The following CTNND2 variants were observed in gnomAD, a reference collection of about 807,000 sequenced individuals.
CTNND2 encodes catenin delta 2.
CTNND2 carries 22 observed loss-of-function variants against 144.4 expected under a neutral mutation model. That is an observed-to-expected ratio of 0.15 (90% confidence interval 0.11 to 0.22). The LOEUF is 0.22. CTNND2 is among the 10% of genes least tolerant of loss of function. The pLI is 1.00. For synonymous variants in CTNND2, 751 were observed against 695.6 expected, an observed-to-expected ratio of 1.08 and a Z score of -1.25; for missense variants, 1,353 against 1,618.8, an observed-to-expected ratio of 0.84 and a Z score of 2.82.
intron 1 of CTNND2, among the ~76,000 whole-genome samples, chr5:11,823,284 T>C (rs1443528068): frequency 6.6e-6 from 1 of 152,360 alleles, no homozygotes; most frequent in African/African-American, 2.4e-5. Context: ...CCACTAATGA[T>C]GCATGCAATT....
intron 9 of CTNND2, among the ~76,000 whole-genome samples, chr5:11,240,249 T>TCACACACCCAACACA (rs1348073606): frequency 1.7e-4 from 5 of 29,660 alleles, no homozygotes; most frequent in African/African-American, 2.7e-4. Context: ...ACACACACAC[T>TCACACACCCAACACA]CACACACCCA....
intron 1 of CTNND2, among the ~76,000 whole-genome samples, chr5:11,788,248 T>C (rs1276807183): frequency 6.6e-6 from 1 of 152,328 alleles, no homozygotes; most frequent in Non-Finnish European, 1.5e-5. Flanking sequence ...ATTAAGGTTA[T>C]TCCCACACAT....
chr5:11,637,253 G>C (rs1781756543), intron 2 of CTNND2, among the ~76,000 whole-genome samples: 1 of 152,100 alleles, frequency 6.6e-6, no homozygotes, highest in Non-Finnish European at 1.5e-5. Context: ...AATAAACTGA[G>C]TTCTTGCCAA....
intron 12 of CTNND2, among the ~76,000 whole-genome samples, chr5:11,150,775 C>T (rs918165434): frequency 1.8e-4 from 28 of 151,790 alleles, no homozygotes; most frequent in African/African-American, 5.6e-4. Context: ...TACAGGTGCC[C>T]GCCAGCTCAC....
At chr5:11,360,083 G>A (rs1756293652) in intron 8 of CTNND2, among the ~76,000 whole-genome samples, 1 of 152,164 alleles carries the variant, frequency 6.6e-6, no homozygotes, top group South Asian at 2.1e-4. Flanking sequence ...CAAAAAGGTA[G>A]ACAGTAGTGC....
chr5:10,988,065 G>T lies in CTNND2; in HGVS notation c.3343+46C>A. The T allele has an allele frequency of 6.2e-7, 1 of 1,611,840 alleles. No individual in the cohort carries two copies. The highest frequency in any genetic ancestry group is 1.3e-5 in the African/African-American group (1 of 75,020). On this transcript the variant is annotated intron_variant, in intron 20 of 21. Coordinates refer to ENST00000304623, the MANE Select transcript of CTNND2 (RefSeq NM_001332.4). This position sits in a 1 kb window ranked among gnomAD's most constrained non-coding sequence, Gnocchi z 5.9. ...TGTCCCATATCTCTGCCTTGTCGCG[G>T]GTCAAGCCACCAAGTTCCAGGAGGG...
intron 1 of CTNND2, among the ~76,000 whole-genome samples, chr5:11,778,080 A>T (rs3924544): frequency 0.69 from 104,275 of 151,814 alleles, 39,709 homozygotes; most frequent in Middle Eastern, 0.88. Flanking sequence ...TTTGACTGAG[A>T]CTGGAAATCT....
At chr5:11,325,286 C>A (rs564271594) in intron 9 of CTNND2, among the ~76,000 whole-genome samples, 22 of 151,968 alleles carry the variant, frequency 1.4e-4, no homozygotes, top group African/African-American at 5.1e-4. Context: ...AACCAACACA[C>A]ATATATATAT....
chr5:11,736,359 G>A (rs114046442), intron 1 of CTNND2, among the ~76,000 whole-genome samples: 210 of 152,326 alleles, frequency 1.4e-3, no homozygotes, highest in African/African-American at 4.9e-3. Flanking sequence ...ATAACAGAAA[G>A]AGAAGTGGAA....
intron 1 of CTNND2, among the ~76,000 whole-genome samples, chr5:11,842,751 A>G (rs1217133191): frequency 6.6e-6 from 1 of 151,250 alleles, no homozygotes; most frequent in Non-Finnish European, 1.5e-5. Flanking sequence ...TGTCTCTTTT[A>G]TAATTTTTAT....
Position 10,988,062 on chromosome 5 carries a change from G to C in CTNND2, c.3343+49C>G. Reference sequence around the variant, plus strand: ...TGATGTCCCATATCTCTGCCTTGTCGCGGGTCAAGCCACCAAGTTCCAGGA... The same window carrying C: ...TGATGTCCCATATCTCTGCCTTGTCCCGGGTCAAGCCACCAAGTTCCAGGA... On this transcript the variant is annotated intron_variant, in intron 20 of 21. Transcript: ENST00000304623. The surrounding 1 kb of genome is among the most constrained non-coding windows in gnomAD (Gnocchi z 5.9). 1.2e-6 allele frequency: 2 copies of C among 1,611,044 alleles called. No homozygotes were observed. Among genetic ancestry groups the C allele is most frequent in the Non-Finnish European group, 1.7e-6 (2 of 1,178,352 alleles).
intron 2 of CTNND2, among the ~76,000 whole-genome samples, chr5:11,676,575 C>A (rs1397476918): frequency 2.7e-5 from 4 of 150,048 alleles, no homozygotes; most frequent in Non-Finnish European, 5.9e-5. Flanking sequence ...TCCTTGAATG[C>A]TGACAAACGG....
intron 3 of CTNND2, among the ~76,000 whole-genome samples, chr5:11,480,646 ATGTGTGTGTG>A (rs58951106): frequency 6.7e-6 from 1 of 149,056 alleles, no homozygotes; most frequent in East Asian, 2.0e-4. Context: ...AAATACATAT[ATGTGTGTGTG>A]TGTGTGTGTG....
At chr5:11,609,079 A>G (rs542708954) in intron 2 of CTNND2, among the ~76,000 whole-genome samples, 5 of 152,312 alleles carry the variant, frequency 3.3e-5, no homozygotes, top group Admixed American at 6.5e-5. Context: ...GTCGCTCATC[A>G]GAGACACCTT....
In CTNND2 at chr5:11,795,980, G is replaced by A. The variant is rs554529593; in HGVS notation, c.38-63708C>T. Reference sequence around the variant, plus strand: ...AGAATCTGTTTCCTTGTCTTTTCCAGCTTCTAGAGGCCACCTGTATTCCTT... The same window carrying A: ...AGAATCTGTTTCCTTGTCTTTTCCAACTTCTAGAGGCCACCTGTATTCCTT... On this transcript the variant is annotated intron_variant, in intron 1 of 21. Coordinates refer to ENST00000304623, the MANE Select transcript of CTNND2 (RefSeq NM_001332.4). Among the ~76,000 whole-genome samples, 7 of 152,288 alleles carry A rather than the reference G, an allele frequency of 4.6e-5. No homozygotes were observed. The East Asian group carries it at 7.7e-4, about 17-fold the overall frequency.
At chr5:11,146,395 A>G (rs981616405) in intron 12 of CTNND2, among the ~76,000 whole-genome samples, 3 of 152,290 alleles carry the variant, frequency 2.0e-5, no homozygotes, top group African/African-American at 7.2e-5. Flanking sequence ...TGGGAAAAGC[A>G]TTCCGTCCAG....
intron 12 of CTNND2, among the ~76,000 whole-genome samples, chr5:11,128,729 TAA>T (rs1754941115): frequency 1.8e-5 from 1 of 55,032 alleles, no homozygotes; most frequent in South Asian, 7.1e-4. Flanking sequence ...GCCATATATA[TAA>T]TATATATATT....
At chr5:11,859,730 C>T (rs1339661067) in intron 1 of CTNND2, among the ~76,000 whole-genome samples, 1 of 152,146 alleles carries the variant, frequency 6.6e-6, no homozygotes, top group East Asian at 1.9e-4. Context: ...TCAATACTCT[C>T]TCTTCCAGAT....
intron 2 of CTNND2, among the ~76,000 whole-genome samples, chr5:11,702,015 G>A (rs918429406): frequency 6.6e-6 from 1 of 152,152 alleles, no homozygotes; most frequent in Admixed American, 6.5e-5. Flanking sequence ...AAGCACTCGG[G>A]CAGTTGGGTT....
Sources: gnomAD v4.1 joint callset for allele counts (sites outside exome capture counted in the v4.1 genomes callset) on GRCh38, gnomAD v4.1.1 for gene constraint, Gnocchi (gnomAD v3.1) non-coding constraint, MANE v1.5 for transcripts, NCBI Gene and HGNC (gene_info 2026-07-23, HGNC 2026-07-21) for gene names.